Variants in TMEM178B observed in about 807,000 individuals in gnomAD.
TMEM178B encodes the protein transmembrane protein 178B.
A neutral mutation model predicts 31.0 loss-of-function variants in TMEM178B; 5 were observed. That is an observed-to-expected ratio of 0.16 (90% CI 0.08 to 0.34). The LOEUF (loss-of-function observed/expected upper bound fraction) is 0.34, where lower values mean the gene tolerates loss of function less well. TMEM178B is among the 10% of genes least tolerant of loss of function. The probability of loss-of-function intolerance (pLI) is 1.00; values close to 1 mark genes in which losing one functional copy is unlikely to be tolerated. For synonymous variants in TMEM178B, 164 were observed against 164.0 expected (o/e 1.00, Z 0.00); for missense variants, 275 against 400.3 (o/e 0.69, Z 2.67).
intron 1 of TMEM178B, among the ~76,000 whole-genome samples, chr7:141,108,279 G>A (rs1175501791): frequency 6.6e-6 from 1 of 152,206 alleles, no homozygotes; most frequent in Non-Finnish European, 1.5e-5. Flanking sequence ...CAGCATATTT[G>A]AATGATAATG....
intron 2 of TMEM178B, among the ~76,000 whole-genome samples, chr7:141,253,711 C>T (rs1011505247): frequency 6.6e-5 from 10 of 151,950 alleles, no homozygotes; most frequent in Admixed American, 1.3e-4. Flanking sequence ...CCACAGCGCC[C>T]GGCTAAATTT....
intron 3 of TMEM178B, among the ~76,000 whole-genome samples, chr7:141,463,313 T>C (rs994520666): frequency 1.3e-5 from 2 of 152,186 alleles, no homozygotes; most frequent in African/African-American, 2.4e-5. Context: ...CAATTTGCTG[T>C]TTCTGCCAAC....
At chr7:141,453,724 C>G (rs746149086) in intron 3 of TMEM178B, among the ~76,000 whole-genome samples, 1 of 152,188 alleles carries the variant, frequency 6.6e-6, no homozygotes, top group South Asian at 2.1e-4. Context: ...CATTGCCCCT[C>G]GAAGGGCTTT....
At chr7:141,255,263 G>T (rs1259288683) in intron 2 of TMEM178B, among the ~76,000 whole-genome samples, 1 of 152,166 alleles carries the variant, frequency 6.6e-6, no homozygotes, top group Admixed American at 6.5e-5. Flanking sequence ...TGGGATAGGG[G>T]TGAAGGTAGT....
intron 2 of TMEM178B, among the ~76,000 whole-genome samples, chr7:141,369,499 A>G (rs1306923434): frequency 6.6e-6 from 1 of 152,128 alleles, no homozygotes; most frequent in Non-Finnish European, 1.5e-5. Context: ...GCTGTTTAAA[A>G]TGGCTGGCCT....
At chr7:141,291,642 C>T (rs186505247) in intron 2 of TMEM178B, among the ~76,000 whole-genome samples, 97 of 152,228 alleles carry the variant, frequency 6.4e-4, no homozygotes, top group African/African-American at 2.2e-3. Context: ...CTTCCCCATC[C>T]ACCAAGACAG....
intron 2 of TMEM178B, among the ~76,000 whole-genome samples, chr7:141,412,072 T>C (rs1801000784): frequency 6.6e-6 from 1 of 152,132 alleles, no homozygotes. Flanking sequence ...ATGCCCTTCA[T>C]AGTCCTGTAT....
At chr7:141,088,497 C>T (rs1257875436) in intron 1 of TMEM178B, among the ~76,000 whole-genome samples, 1 of 152,298 alleles carries the variant, frequency 6.6e-6, no homozygotes, top group East Asian at 1.9e-4. Context: ...TCTTCACCTT[C>T]TCCTGGATCA....
At chr7:141,150,517 C>A (rs987325250) in intron 1 of TMEM178B, among the ~76,000 whole-genome samples, 2 of 152,246 alleles carry the variant, frequency 1.3e-5, no homozygotes, top group African/African-American at 4.8e-5. Flanking sequence ...TCCCTTGACC[C>A]ATGAAAGTGG....
At chr7:141,345,173 T>G (rs972538665) in intron 2 of TMEM178B, among the ~76,000 whole-genome samples, 4 of 152,202 alleles carry the variant, frequency 2.6e-5, no homozygotes, top group African/African-American at 9.7e-5. Flanking sequence ...CATTTATATA[T>G]TGAAGAGACC....
chr7:141,186,846 C>T (rs1334416808), intron 1 of TMEM178B, among the ~76,000 whole-genome samples: 1 of 152,176 alleles, frequency 6.6e-6, no homozygotes, highest in Non-Finnish European at 1.5e-5. Context: ...TAGGGGTCAC[C>T]TGGTATCTGG....
At chr7:141,330,453 T>C (rs964371840) in intron 2 of TMEM178B, among the ~76,000 whole-genome samples, 6 of 152,220 alleles carry the variant, frequency 3.9e-5, no homozygotes, top group Non-Finnish European at 8.8e-5. Context: ...AAGGACATGA[T>C]CTCATTCCTT....
intron 2 of TMEM178B, among the ~76,000 whole-genome samples, chr7:141,421,280 A>G (rs963126968): frequency 6.6e-6 from 1 of 152,232 alleles, no homozygotes; most frequent in African/African-American, 2.4e-5. Flanking sequence ...GGGGGAAAAA[A>G]TAAGTTGCTA....
At chr7:141,443,395 A>G (rs774115838) in intron 3 of TMEM178B, among the ~76,000 whole-genome samples, 5 of 152,156 alleles carry the variant, frequency 3.3e-5, no homozygotes, top group Non-Finnish European at 5.9e-5. Flanking sequence ...TCGAGTCTGC[A>G]TAGGCTCCTC....
chr7:141,510,965 T>A, the TMEM178B span, among the ~76,000 whole-genome samples: 3 of 152,076 alleles, frequency 2.0e-5, no homozygotes, highest in Admixed American at 1.3e-4. Flanking sequence ...GGACCATTAC[T>A]TCACTGTTGA....
chr7:141,509,763 G>A, the TMEM178B span, among the ~76,000 whole-genome samples: 17 of 152,312 alleles, frequency 1.1e-4, no homozygotes, highest in Non-Finnish European at 2.2e-4. Flanking sequence ...ATGATCAGCT[G>A]GGCATGGAAC....
At chr7:141,303,142 C>A (rs180672832) in intron 2 of TMEM178B, among the ~76,000 whole-genome samples, 1 of 152,108 alleles carries the variant, frequency 6.6e-6, no homozygotes, top group Non-Finnish European at 1.5e-5. Flanking sequence ...TCCTGCCAGG[C>A]GTTCTTTGGA....
intron 1 of TMEM178B, among the ~76,000 whole-genome samples, chr7:141,088,717 A>T (rs1476554613): frequency 6.6e-6 from 1 of 152,142 alleles, no homozygotes; most frequent in Non-Finnish European, 1.5e-5. Flanking sequence ...CACTGCCATA[A>T]ATGTGTTCTT....
intron 1 of TMEM178B, among the ~76,000 whole-genome samples, chr7:141,189,819 A>G (rs918356188): frequency 2.0e-5 from 3 of 152,132 alleles, no homozygotes; most frequent in Non-Finnish European, 2.9e-5. Context: ...TCTGAGTACC[A>G]GAAACTGGAT....
Sources: gnomAD v4.1 joint callset for allele counts (sites outside exome capture counted in the v4.1 genomes callset) on GRCh38, gnomAD v4.1.1 for gene constraint, MANE v1.5 for transcripts, NCBI Gene and HGNC (gene_info 2026-07-23, HGNC 2026-07-21) for gene names.